Variants in NCMAP observed in about 807,000 individuals in gnomAD.
NCMAP encodes noncompact myelin-associated protein.
Under a neutral mutation model 7.8 loss-of-function variants are expected in NCMAP, and 8 were observed. The ratio of observed to expected loss-of-function variants is 1.02; its 90% CI spans 0.60 to 1.84. NCMAP has a LOEUF of 1.84. NCMAP is among the 40% of genes most tolerant of loss of function. The pLI, the probability that NCMAP is intolerant of heterozygous loss-of-function variation, is 0.00. For synonymous variants in NCMAP, 41 were observed against 52.9 expected, an observed-to-expected ratio of 0.78 and a Z score of 0.98; for missense variants, 112 against 131.4, an observed-to-expected ratio of 0.85 and a Z score of 0.72.
chr1:24,595,352 A>C, intron 1 of NCMAP, 72 bp from the exon 2 acceptor site: 1 of 1,074,146 alleles, frequency 9.3e-7, no homozygotes, highest in Non-Finnish European at 1.4e-6. Context: ...GATAAAGACC[A>C]AAAGAGGCAT....
intron 1 of NCMAP, among the ~76,000 whole-genome samples, chr1:24,559,525 A>G (rs1650990068): frequency 6.6e-6 from 1 of 152,134 alleles, no homozygotes; most frequent in Non-Finnish European, 1.5e-5. Flanking sequence ...GGACCTTCTC[A>G]TGTGGTTTGA....
At chr1:24,598,287 TG>T (rs35275596) in intron 2 of NCMAP, among the ~76,000 whole-genome samples, 35,010 of 151,984 alleles carry the variant, frequency 0.23, 4,128 homozygotes, top group Non-Finnish European at 0.26. Flanking sequence ...AGTGCCCAGC[TG>T]GGTGAATTGC....
At chr1:24,580,329 G>A (rs1651706344) in intron 1 of NCMAP, among the ~76,000 whole-genome samples, 1 of 152,170 alleles carries the variant, frequency 6.6e-6, no homozygotes, top group African/African-American at 2.4e-5. Context: ...CCTCCTCCTG[G>A]CTGCCTCTGC....
intron 1 of NCMAP, among the ~76,000 whole-genome samples, chr1:24,594,555 G>T (rs531553053): frequency 9.8e-5 from 15 of 152,324 alleles, no homozygotes; most frequent in African/African-American, 3.6e-4. Flanking sequence ...GTACATGGTA[G>T]ATTCCCAAAC....
At chr1:24,600,442 C>T (rs1178073056) in intron 2 of NCMAP, among the ~76,000 whole-genome samples, 1 of 152,234 alleles carries the variant, frequency 6.6e-6, no homozygotes, top group Non-Finnish European at 1.5e-5. Flanking sequence ...GCATGAGCCA[C>T]TGCACCTGGC....
chr1:24,566,320 C>A (rs888039287), intron 1 of NCMAP, among the ~76,000 whole-genome samples: 2 of 152,090 alleles, frequency 1.3e-5, no homozygotes, highest in African/African-American at 4.8e-5. Context: ...GTCACAGGGC[C>A]CACCTAGCTT....
chr1:24,558,205 C>T (rs1259974458), intron 1 of NCMAP, among the ~76,000 whole-genome samples: 2 of 152,212 alleles, frequency 1.3e-5, no homozygotes, highest in African/African-American at 2.4e-5. Flanking sequence ...CGAAGCTTCT[C>T]CTTGTAGCAC....
chr1:24,605,869 T>C lies in NCMAP; in HGVS notation c.*122T>C, dbSNP rs1000443940. 11 of 1,168,618 alleles carry C rather than the reference T, an allele frequency of 9.4e-6. No homozygotes were observed. Among genetic ancestry groups the C allele is most frequent in the African/African-American group, 3.1e-5 (2 of 64,124 alleles). The allele number at this position is 1,168,618 out of a possible 1,614,324, so 72.4% of individuals were successfully genotyped here. A position where few individuals can be genotyped will look rare whatever the true frequency, so the allele number is the denominator to read the frequency against. ...CTGGTCAGGTCGACAGAGACATCTT[T>C]GACGCAATCTCTGATGCTTCCAGCA... On this transcript the variant is annotated 3_prime_UTR_variant, in exon 4 of 4. Transcript: ENST00000374392.
intron 2 of NCMAP, among the ~76,000 whole-genome samples, chr1:24,597,997 C>T (rs1652320308): frequency 6.6e-6 from 1 of 152,004 alleles, no homozygotes; most frequent in African/African-American, 2.4e-5. Flanking sequence ...GGAGGCATTG[C>T]AACTGGCATC....
At chr1:24,579,613 A>T (rs568868795) in intron 1 of NCMAP, among the ~76,000 whole-genome samples, 2 of 152,178 alleles carry the variant, frequency 1.3e-5, no homozygotes, top group Admixed American at 1.3e-4. Context: ...GGTGGTGCAC[A>T]CCTGTAGTCC....
At chr1:24,578,560 CTTT>C (rs555342098) in intron 1 of NCMAP, among the ~76,000 whole-genome samples, 38 of 107,370 alleles carry the variant, frequency 3.5e-4, no homozygotes, top group African/African-American at 5.2e-4. Context: ...TTCTTTCTTT[CTTT>C]TTTTTTTTTT....
Position 24,575,775 on chromosome 1 carries a change from G to A in NCMAP, c.-8+19606G>A, listed in dbSNP as rs192670055. ...AGCCTGACCAGCATGGTGAAACCCC[G>A]TCTCTGCTAAAAATACAAAATTAGC... On this transcript the variant is annotated intron_variant, in intron 1 of 3. Coordinates refer to ENST00000374392, the MANE Select transcript of NCMAP (RefSeq NM_001010980.5). Among the ~76,000 whole-genome samples the A allele has an allele frequency of 1.3e-3, 203 of 151,324 alleles. 3 individuals are homozygous for A. Among genetic ancestry groups the A allele is most frequent in the African/African-American group, 4.7e-3 (192 of 41,238 alleles).
At chr1:24,578,560 C>CTTTTTTTTTTTTTT (rs555342098) in intron 1 of NCMAP, among the ~76,000 whole-genome samples, 21 of 107,362 alleles carry the variant, frequency 2.0e-4, no homozygotes, top group Non-Finnish European at 2.5e-4. Context: ...TTCTTTCTTT[C>CTTTTTTTTTTTTTT]TTTTTTTTTT....
chr1:24,561,452 G>T (rs991779356), intron 1 of NCMAP, among the ~76,000 whole-genome samples: 3 of 152,154 alleles, frequency 2.0e-5, no homozygotes, highest in African/African-American at 4.8e-5. Flanking sequence ...GATTTTAAAA[G>T]AAATAAAAAC....
intron 1 of NCMAP, among the ~76,000 whole-genome samples, chr1:24,589,177 C>T (rs1651973022): frequency 6.6e-6 from 1 of 152,030 alleles, no homozygotes; most frequent in Admixed American, 6.6e-5. Flanking sequence ...AGTGCGGTGC[C>T]GGACACATAG....
chr1:24,588,730 C>A (rs939287855), intron 1 of NCMAP, among the ~76,000 whole-genome samples: 2 of 152,154 alleles, frequency 1.3e-5, no homozygotes, highest in African/African-American at 4.8e-5. Flanking sequence ...AACAACAGTC[C>A]CTTGTAGATT....
chr1:24,575,263 T>G (rs542068683), intron 1 of NCMAP, among the ~76,000 whole-genome samples: 1 of 152,186 alleles, frequency 6.6e-6, no homozygotes, highest in African/African-American at 2.4e-5. Flanking sequence ...GAAAGAACTT[T>G]TAGAGCAGCA....
intron 1 of NCMAP, among the ~76,000 whole-genome samples, chr1:24,580,923 C>T (rs1211495934): frequency 6.6e-6 from 1 of 152,190 alleles, no homozygotes; most frequent in Non-Finnish European, 1.5e-5. Flanking sequence ...CATACTCAGC[C>T]GTCGGCTTTT....
At chr1:24,556,339 C>G (rs1370639408) in intron 1 of NCMAP, among the ~76,000 whole-genome samples, 170 bp downstream of exon 1, 1 of 152,018 alleles carries the variant, frequency 6.6e-6, no homozygotes, top group Non-Finnish European at 1.5e-5. Flanking sequence ...GGAGGAAGTG[C>G]CTGGGGTCTG....
Sources: gnomAD v4.1 joint callset for allele counts (sites outside exome capture counted in the v4.1 genomes callset) on GRCh38, gnomAD v4.1.1 for gene constraint, MANE v1.5 for transcripts, NCBI Gene and HGNC (gene_info 2026-07-23, HGNC 2026-07-21) for gene names.